The following SYAP1 variants were observed in gnomAD, a reference collection of about 807,000 sequenced individuals.
SYAP1 encodes synapse associated protein 1.
Under a neutral mutation model 29.6 loss-of-function variants are expected in SYAP1, and 3 were observed. The ratio of observed to expected loss-of-function variants is 0.10; its 90% CI spans 0.05 to 0.26. The LOEUF (loss-of-function observed/expected upper bound fraction) is 0.26, where lower values mean the gene tolerates loss of function less well. Ranked by LOEUF, SYAP1 falls within the 10% of genes least tolerant of loss-of-function variation. The pLI, the probability that SYAP1 is intolerant of heterozygous loss-of-function variation, is 1.00. For missense variants in SYAP1, 217 were observed against 264.1 expected, an observed-to-expected ratio of 0.82 and a Z score of 1.24; for synonymous variants, 102 against 102.7, an observed-to-expected ratio of 0.99 and a Z score of 0.04.
At position 16,736,222 on chromosome X, in the gene SYAP1, A is replaced by G. The variant is rs1253365360; in HGVS notation, c.351A>G (p.Thr117=). ...AAAAATTTGTTGAAGAGCAACATAC[A>G]AAGAAGTCAGGTATGGTATAGGTTT... ...EQKKFVEEQH[T]KKSEAAVPPW... The change falls in exon 3 of 9, where the codon ACA becomes ACG. Residue 117 remains threonine (T), a synonymous_variant. Coordinates refer to ENST00000380155, the MANE Select transcript of SYAP1 (RefSeq NM_032796.4). 8.4e-6 allele frequency: 10 copies of G among 1,186,850 alleles called. No individual in the cohort carries two copies. The highest frequency in any genetic ancestry group is 1.1e-5 in the Non-Finnish European group (10 of 874,175).
intron 5 of SYAP1, among the ~76,000 whole-genome samples, chrX:16,752,501 G>A (rs1033298744): frequency 2.8e-5 from 3 of 108,772 alleles, no homozygotes; most frequent in East Asian, 2.9e-4. Context: ...CCCAAATGCC[G>A]TAGTGTTTTA....
In SYAP1 at chrX:16,761,984, GTC is replaced by G. The variant is rs1198436184; in HGVS notation, c.*1629_*1630del. ...TCTGAGCCAGACTGTCTCAACTGGA[GTC>G]TCTTGGGTTATAGCAGTAAACCCGT... On this transcript the variant is annotated 3_prime_UTR_variant, in exon 9 of 9. Transcript: ENST00000380155. 1 of 111,623 alleles carries G rather than the reference GTC, an allele frequency of 9.0e-6. No homozygotes were observed. Among genetic ancestry groups the G allele is most frequent in the Non-Finnish European group, 1.9e-5 (1 of 53,171 alleles). 9.2% of individuals were successfully genotyped at this position (111,623 alleles called of 1,213,427 possible). A position where few individuals can be genotyped will look rare whatever the true frequency, so the allele number is the denominator to read the frequency against.
chrX:16,738,224 G>T (rs1926371148), intron 3 of SYAP1, among the ~76,000 whole-genome samples: 1 of 111,619 alleles, frequency 9.0e-6, no homozygotes. Context: ...AGACCAGCCT[G>T]GCCAACATGG....
At chrX:16,752,010 C>G (rs1183226463) in intron 5 of SYAP1, among the ~76,000 whole-genome samples, 1 of 69,728 alleles carries the variant, frequency 1.4e-5, no homozygotes, top group Non-Finnish European at 2.5e-5. Context: ...GAGACAAAGT[C>G]TTACTCTCGT....
chrX:16,736,515 C>T, intron 3 of SYAP1: 1 of 192,992 alleles, frequency 5.2e-6, no homozygotes, highest in Non-Finnish European at 9.6e-6. Flanking sequence ...TTTTCTTTTC[C>T]CCCACCGAGA....
chrX:16,747,250 T>C (rs1470030076), intron 5 of SYAP1, among the ~76,000 whole-genome samples: 2 of 111,804 alleles, frequency 1.8e-5, no homozygotes, highest in Non-Finnish European at 3.8e-5. Context: ...ACGCTCCTGG[T>C]AGAATTGAAT....
At chrX:16,741,930 T>A in intron 4 of SYAP1, 141 bp downstream of exon 4, 1 of 429,841 alleles carries the variant, frequency 2.3e-6, no homozygotes, top group Non-Finnish European at 4.1e-6. Context: ...CATTAACACA[T>A]GATGTGTACA....
intron 3 of SYAP1, among the ~76,000 whole-genome samples, chrX:16,740,396 G>T (rs1408326185): frequency 3.3e-5 from 3 of 90,649 alleles, no homozygotes; most frequent in African/African-American, 1.3e-4. Context: ...CTAATCACCT[G>T]TCTTACAACA....
chrX:16,744,149 T>G (rs1171254052), intron 5 of SYAP1, among the ~76,000 whole-genome samples: 1 of 112,570 alleles, frequency 8.9e-6, no homozygotes, highest in Non-Finnish European at 1.9e-5. Context: ...ATCGGGATCT[T>G]TTTTCCAAGC....
At chrX:16,752,364 GATT>G (rs202245644) in intron 5 of SYAP1, among the ~76,000 whole-genome samples, 8,299 of 96,028 alleles carry the variant, frequency 0.086, 377 homozygotes, top group Admixed American at 0.15. Context: ...GTTATCAATG[GATT>G]ATTATTATTA....
rs1041332602 is a variant in SYAP1, at chrX:16,765,204, T to C, written c.*4845T>C. On this transcript the variant is annotated 3_prime_UTR_variant, in exon 9 of 9. Coordinates refer to ENST00000380155, the MANE Select transcript of SYAP1 (RefSeq NM_032796.4). ...CTTCACACTAAGGGATTTACTTAGA[T>C]AAGCCATCGATGATTTCAGTTGTTA... is the stretch of plus-strand genomic sequence containing the variant. 5 of 112,583 alleles carry C rather than the reference T, an allele frequency of 4.4e-5. No homozygotes were observed. Among genetic ancestry groups the C allele is most frequent in the Non-Finnish European group, 9.4e-5 (5 of 53,376 alleles). The allele number at this position is 112,583 out of a possible 1,213,427, so 9.3% of individuals were successfully genotyped here.
chrX:16,730,686 C>A (rs1465415009), intron 1 of SYAP1, among the ~76,000 whole-genome samples: 1 of 112,386 alleles, frequency 8.9e-6, no homozygotes, highest in Non-Finnish European at 1.9e-5. Context: ...TTCATAAATT[C>A]TTTCACAACT....
intron 1 of SYAP1, among the ~76,000 whole-genome samples, chrX:16,725,064 C>CT (rs757163523): frequency 8.9e-6 from 1 of 112,250 alleles, no homozygotes; most frequent in Non-Finnish European, 1.9e-5. Flanking sequence ...CTCAGCTTCC[C>CT]TTTTTTTGAA....
At chrX:16,729,474 T>C in intron 1 of SYAP1, among the ~76,000 whole-genome samples, 1 of 98,055 alleles carries the variant, frequency 1.0e-5, no homozygotes, top group Non-Finnish European at 2.0e-5. Context: ...TTTATTTTAT[T>C]GATTTTATCG....
chrX:16,757,094 A>G lies in SYAP1; in HGVS notation c.784-68A>G, dbSNP rs184260891. 2.3e-5 allele frequency: 26 copies of G among 1,142,710 alleles called. No homozygotes were observed. In the African/African-American group the frequency reaches 3.6e-4, roughly 16 times the overall value. The allele number at this position is 1,142,710 out of a possible 1,213,427, so 94.2% of individuals were successfully genotyped here. A position where few individuals can be genotyped will look rare whatever the true frequency, so the allele number is the denominator to read the frequency against. On this transcript the variant is annotated intron_variant, in intron 7 of 8. Transcript: ENST00000380155. Reference sequence around the variant, plus strand: ...TAGCACGGCATTAAATTGTGAGACAATAGCAAACCAGAATAACACAAATGT... The same window carrying G: ...TAGCACGGCATTAAATTGTGAGACAGTAGCAAACCAGAATAACACAAATGT...
intron 6 of SYAP1, 74 bp downstream of exon 6, chrX:16,755,167 T>A (rs940304230): frequency 4.8e-6 from 5 of 1,037,409 alleles, no homozygotes; most frequent in Non-Finnish European, 6.7e-6. Context: ...TGACCTCTTA[T>A]ACGTACCAGA....
intron 4 of SYAP1, 51 bp from the exon 5 acceptor site, chrX:16,743,650 A>C (rs1366473206): frequency 6.1e-6 from 7 of 1,151,234 alleles, no homozygotes; most frequent in Non-Finnish European, 8.1e-6. Flanking sequence ...ATTGTTATCT[A>C]TTAATCGCAT....
At chrX:16,758,457 C>A (rs1426817819) in intron 8 of SYAP1, among the ~76,000 whole-genome samples, 8 of 109,594 alleles carry the variant, frequency 7.3e-5, no homozygotes, top group Non-Finnish European at 1.3e-4. Flanking sequence ...AAGCGATTCT[C>A]CTGCCTCAGC....
rs756301871 is a variant in SYAP1 at position 16,739,558 on chromosome X, C to G, written c.362-2158C>G. 2.9e-5 allele frequency among the ~76,000 whole-genome samples: 3 copies of G among 102,370 alleles called. No individual in the cohort carries two copies. In the South Asian group the frequency reaches 1.4e-3, roughly 47 times the overall value. The allele number at this position is 102,370 out of a possible 115,157, so 88.9% of individuals were successfully genotyped here. A position where few individuals can be genotyped will look rare whatever the true frequency, so the allele number is the denominator to read the frequency against. Reference sequence around the variant, plus strand: ...GTGGCACCTTCTCAGCTCACTGCAACCTCTGCCCCCCGGGTTCAAGCAATT... The same window carrying G: ...GTGGCACCTTCTCAGCTCACTGCAAGCTCTGCCCCCCGGGTTCAAGCAATT... On this transcript the variant is annotated intron_variant, in intron 3 of 8. Transcript: ENST00000380155.
Sources: gnomAD v4.1 joint callset for allele counts (sites outside exome capture counted in the v4.1 genomes callset) on GRCh38, gnomAD v4.1.1 for gene constraint, MANE v1.5 for transcripts, NCBI Gene and HGNC (gene_info 2026-07-23, HGNC 2026-07-21) for gene names.